SGCD: variants seen among roughly 807,000 people sequenced by gnomAD.
SGCD encodes delta-sarcoglycan.
SGCD carries 18 observed loss-of-function variants against 36.6 expected under a neutral mutation model. The observed-to-expected ratio is 0.49, with a 90% CI of 0.34 to 0.73. The LOEUF (loss-of-function observed/expected upper bound fraction) is 0.73. SGCD is among the 30% of genes least tolerant of loss of function. The pLI is 0.01. For synonymous variants in SGCD, 133 were observed against 130.6 expected, an observed-to-expected ratio of 1.02 and a Z score of -0.12; for missense variants, 387 against 346.7, an observed-to-expected ratio of 1.12 and a Z score of -0.92.
At chr5:156,235,157 A>G (rs1038442341) in intron 3 of SGCD, among the ~76,000 whole-genome samples, 1 of 152,216 alleles carries the variant, frequency 6.6e-6, no homozygotes, top group South Asian at 2.1e-4. Flanking sequence ...AGGAGAAGGA[A>G]CCATCAATGG....
At chr5:155,746,173 A>G in the SGCD span, among the ~76,000 whole-genome samples, 2 of 152,200 alleles carry the variant, frequency 1.3e-5, no homozygotes, top group African/African-American at 2.4e-5. Flanking sequence ...AACTGCATAC[A>G]CTAACCTAAA....
chr5:156,711,036 G>T (rs1426076003), intron 7 of SGCD, among the ~76,000 whole-genome samples: 1 of 152,142 alleles, frequency 6.6e-6, no homozygotes, highest in Admixed American at 6.5e-5. Context: ...TTGCCACAAA[G>T]GGTCTGTTTG....
chr5:156,692,799 G>T (rs1754169065), intron 7 of SGCD, among the ~76,000 whole-genome samples: 1 of 152,162 alleles, frequency 6.6e-6, no homozygotes, highest in Non-Finnish European at 1.5e-5. Flanking sequence ...AAAAATTAAT[G>T]ATTTGTTTTA....
chr5:155,950,348 A>G (rs1757524982), intron 1 of SGCD, among the ~76,000 whole-genome samples: 1 of 152,134 alleles, frequency 6.6e-6, no homozygotes, highest in African/African-American at 2.4e-5. Context: ...TCACAAAAAG[A>G]CTGAGTCTCA....
At chr5:156,750,577 C>A (rs896953445) in intron 7 of SGCD, among the ~76,000 whole-genome samples, 6 of 150,842 alleles carry the variant, frequency 4.0e-5, no homozygotes, top group Admixed American at 1.3e-4. Context: ...ACTTGGGAGG[C>A]TGAGGCTGTA....
intron 1 of SGCD, among the ~76,000 whole-genome samples, chr5:156,048,420 C>T (rs1033602990): frequency 3.9e-5 from 6 of 152,174 alleles, no homozygotes; most frequent in African/African-American, 1.4e-4. Flanking sequence ...AATGGTTGAA[C>T]TAGTTTACAG....
chr5:156,365,385 T>C (rs1770039643), intron 3 of SGCD, among the ~76,000 whole-genome samples: 1 of 152,174 alleles, frequency 6.6e-6, no homozygotes, highest in Non-Finnish European at 1.5e-5. Context: ...ATGGACACAG[T>C]TGAAGATAGT....
At chr5:156,474,060 G>C (rs971620889) in intron 3 of SGCD, among the ~76,000 whole-genome samples, 6 of 151,618 alleles carry the variant, frequency 4.0e-5, no homozygotes, top group African/African-American at 1.5e-4. Flanking sequence ...ATTTTCTCCA[G>C]TGGGGGAGGG....
chr5:156,540,807 C>T (rs1295976889), intron 4 of SGCD, among the ~76,000 whole-genome samples: 1 of 152,126 alleles, frequency 6.6e-6, no homozygotes, highest in African/African-American at 2.4e-5. Flanking sequence ...TGATGGCAGG[C>T]AATTGACCAC....
At chr5:156,390,584 G>C (rs1056423583) in intron 3 of SGCD, among the ~76,000 whole-genome samples, 1 of 152,108 alleles carries the variant, frequency 6.6e-6, no homozygotes, top group Non-Finnish European at 1.5e-5. Context: ...CAAAAGATCA[G>C]CCGGGTGTGG....
At chr5:155,944,735 C>CA (rs1757403557) in intron 1 of SGCD, among the ~76,000 whole-genome samples, 1 of 152,068 alleles carries the variant, frequency 6.6e-6, no homozygotes, top group Admixed American at 6.6e-5. Flanking sequence ...GATAATCTGA[C>CA]AAAAAATGTG....
At chr5:155,920,821 GC>G (rs1249397084) in intron 1 of SGCD, among the ~76,000 whole-genome samples, 1 of 152,150 alleles carries the variant, frequency 6.6e-6, no homozygotes, top group Non-Finnish European at 1.5e-5. Context: ...GTTCCAAGCA[GC>G]TGTAGGACAG....
chr5:156,574,565 C>T (rs1337686704), intron 4 of SGCD, among the ~76,000 whole-genome samples: 3 of 152,050 alleles, frequency 2.0e-5, no homozygotes, highest in African/African-American at 7.2e-5. Flanking sequence ...TAATTAACCA[C>T]AACAGCACAC....
intron 3 of SGCD, among the ~76,000 whole-genome samples, chr5:156,507,789 A>C (rs561437863): frequency 1.4e-4 from 21 of 152,336 alleles, no homozygotes; most frequent in African/African-American, 5.0e-4. Flanking sequence ...GACTGACTGG[A>C]AATTTTAGGA....
At chr5:156,610,827 AG>A (rs1304864052) in intron 6 of SGCD, among the ~76,000 whole-genome samples, 4 of 152,226 alleles carry the variant, frequency 2.6e-5, no homozygotes, top group Non-Finnish European at 4.4e-5. Flanking sequence ...CTGTGGGCGT[AG>A]GACCCTCCAG....
intron 3 of SGCD, among the ~76,000 whole-genome samples, chr5:156,439,449 G>A (rs1026586707): frequency 6.6e-6 from 1 of 151,980 alleles, no homozygotes; most frequent in Admixed American, 6.6e-5. Context: ...TCTTTATCTA[G>A]GGTAGAGTTT....
chr5:155,949,525 T>A (rs1757512151), intron 1 of SGCD, among the ~76,000 whole-genome samples: 1 of 152,184 alleles, frequency 6.6e-6, no homozygotes, highest in Admixed American at 6.6e-5. Context: ...CTAGTATATG[T>A]TGGAGTAAGA....
chr5:156,076,549 G>A (rs1203811672), intron 1 of SGCD, among the ~76,000 whole-genome samples: 2 of 152,188 alleles, frequency 1.3e-5, no homozygotes, highest in Non-Finnish European at 2.9e-5. Context: ...AAACTCTGAA[G>A]CCAGCCTCTG....
intron 1 of SGCD, among the ~76,000 whole-genome samples, chr5:155,948,249 C>T (rs999254290): frequency 1.3e-5 from 2 of 152,138 alleles, no homozygotes; most frequent in African/African-American, 4.8e-5. Flanking sequence ...CGCACTCCAG[C>T]CTGGGCGACA....
Sources: gnomAD v4.1 joint callset for allele counts (sites outside exome capture counted in the v4.1 genomes callset) on GRCh38, gnomAD v4.1.1 for gene constraint, MANE v1.5 for transcripts, NCBI Gene and HGNC (gene_info 2026-07-23, HGNC 2026-07-21) for gene names.